RHPN1: variants seen among roughly 807,000 people sequenced by gnomAD.
The protein encoded by RHPN1 is rhophilin-1.
RHPN1 carries 77 observed loss-of-function variants against 74.7 expected under a neutral mutation model. The ratio of observed to expected loss-of-function variants is 1.03; its 90% CI spans 0.86 to 1.25. The LOEUF (loss-of-function observed/expected upper bound fraction) is 1.25, where lower values mean the gene tolerates loss of function less well. Among genes scored for constraint, RHPN1 ranks in the 50% most tolerant of loss-of-function variants. The probability of loss-of-function intolerance (pLI) is 0.00; values close to 1 mark genes in which losing one functional copy is unlikely to be tolerated. For synonymous variants in RHPN1, 444 were observed against 414.5 expected (o/e 1.07, Z -0.87); for missense variants, 987 against 932.2 (o/e 1.06, Z -0.77).
chr8:143,365,419 G>C (rs1285777174), upstream of RHPN1, among the ~76,000 whole-genome samples: 1 of 152,186 alleles, frequency 6.6e-6, no homozygotes, highest in Non-Finnish European at 1.5e-5. Flanking sequence ...CCTCCTCCTG[G>C]CTGCCTCTCT....
Position 143,382,764 on chromosome 8 carries a change from GCTGCCTCGGGCACCTGC to G in RHPN1, c.*119_*135del. On this transcript the variant is annotated 3_prime_UTR_variant, in exon 15 of 15. Transcript: ENST00000289013. Reference sequence around the variant, plus strand: ...ATGCCTGTCCCGCCTCATGCTGGAGGCTGCCTCGGGCACCTGCCTGCCCATTAAAGACTGGTCAGACC... The same window carrying G: ...ATGCCTGTCCCGCCTCATGCTGGAGGCTGCCCATTAAAGACTGGTCAGACC... 2.2e-6 allele frequency: 2 copies of G among 894,450 alleles called. No homozygotes were observed. The highest frequency in any genetic ancestry group is 3.5e-4 in the Middle Eastern group (1 of 2,868). 55.4% of individuals were successfully genotyped at this position (894,450 alleles called of 1,614,324 possible).
At chr8:143,374,721 G>A (rs567683716) in intron 1 of RHPN1, among the ~76,000 whole-genome samples, 1 of 152,248 alleles carries the variant, frequency 6.6e-6, no homozygotes, top group Non-Finnish European at 1.5e-5. Flanking sequence ...TGAGGATCAT[G>A]TGGGCAGGAC....
rs769064696 is a variant in RHPN1, at chr8:143,381,586, G to A, written c.1503G>A (p.Val501=). ...GCCCCTGCCAGGGGCCCCTGTCTGT[G>A]TTCTCAGCCAAGAACCGGTGGCGGC... ...DIFHRLGPLS[V]FSAKNRWRLV... is the part of the protein sequence containing the mutation. The change falls in exon 13 of 15, where the codon GTG becomes GTA. Residue 501 remains valine, a synonymous_variant. Transcript: ENST00000289013. 1.1e-5 allele frequency: 17 copies of A among 1,609,030 alleles called. No homozygotes were observed. The Admixed American group carries it at 2.3e-4, about 22-fold the overall frequency.
intron 1 of RHPN1, among the ~76,000 whole-genome samples, chr8:143,369,419 C>G (rs944125171): frequency 6.6e-6 from 1 of 152,230 alleles, no homozygotes; most frequent in African/African-American, 2.4e-5. Flanking sequence ...CTAGTTCGGT[C>G]CTCCCTCTGC....
In RHPN1 at chr8:143,383,778, C is replaced by T. The variant is rs993238014; in HGVS notation, c.*1127C>T. On this transcript the variant is annotated 3_prime_UTR_variant, in exon 15 of 15. Transcript: ENST00000289013. ...CAGCCACTAGGGGGCAGCCGCCACCCGCTCAGCAGCCCTGGGAGGCGGCAC... is the reference window on the plus strand; with the variant it reads ...CAGCCACTAGGGGGCAGCCGCCACCTGCTCAGCAGCCCTGGGAGGCGGCAC... 3.9e-5 allele frequency: 6 copies of T among 152,250 alleles called. No homozygotes were observed. The highest frequency in any genetic ancestry group is 6.5e-5 in the Admixed American group (1 of 15,288). The allele number at this position is 152,250 out of a possible 1,614,324, so 9.4% of individuals were successfully genotyped here.
intron 4 of RHPN1, among the ~76,000 whole-genome samples, 157 bp downstream of exon 4, chr8:143,377,612 T>C (rs141994097): frequency 7.2e-5 from 11 of 152,212 alleles, no homozygotes; most frequent in African/African-American, 2.6e-4. Flanking sequence ...CTGGCAGAAA[T>C]GGCCACAGGG....
At chr8:143,369,296 G>C (rs1166820005) in intron 1 of RHPN1, among the ~76,000 whole-genome samples, 1 of 152,202 alleles carries the variant, frequency 6.6e-6, no homozygotes, top group Non-Finnish European at 1.5e-5. Context: ...AAGCGGGTTG[G>C]GGGGACGCCC....
At chr8:143,370,672 C>T (rs1190230711) in intron 1 of RHPN1, among the ~76,000 whole-genome samples, 3 of 152,228 alleles carry the variant, frequency 2.0e-5, no homozygotes, top group Non-Finnish European at 2.9e-5. Context: ...TTGGTGCCTC[C>T]CAAGCCCTGG....
chr8:143,380,699 A>T lies in RHPN1; in HGVS notation c.1327A>T (p.Thr443Ser). The change falls in exon 11 of 15, where the codon ACG (threonine) becomes TCG (serine). Residue 443 changes from threonine (T) to serine (S), a missense_variant. By Grantham distance (58) the Thr-to-Ser change is moderately conservative. Transcript: ENST00000289013. Reference sequence around the variant, plus strand: ...CCTGCTTCGGGCTGTGATCTCCCAGACGCTGCAGCGCTCACTGGCCAAGTA... The same window carrying T: ...CCTGCTTCGGGCTGTGATCTCCCAGTCGCTGCAGCGCTCACTGGCCAAGTA... ...VDLLRAVISQ[T>S]LQRSLAKYAE... 1.3e-6 allele frequency: 2 copies of T among 1,588,806 alleles called. No homozygotes were observed. The highest frequency in any genetic ancestry group is 1.7e-6 in the Non-Finnish European group (2 of 1,168,198).
chr8:143,378,398 C>A, intron 5 of RHPN1, 52 bp downstream of exon 5: 2 of 1,362,538 alleles, frequency 1.5e-6, no homozygotes, highest in Non-Finnish European at 1.0e-6. Context: ...GAGACACATG[C>A]GGAGGCTGAA....
chr8:143,376,806 G>A (rs1366068479), intron 3 of RHPN1, among the ~76,000 whole-genome samples, 153 bp downstream of exon 3: 1 of 149,666 alleles, frequency 6.7e-6, no homozygotes, highest in Non-Finnish European at 1.5e-5. Context: ...GCATGTCTGT[G>A]CGCGTGTGTC....
At chr8:143,382,261 C>G (rs1818792685) in intron 14 of RHPN1, among the ~76,000 whole-genome samples, 175 bp from the exon 15 acceptor site, 1 of 152,230 alleles carries the variant, frequency 6.6e-6, no homozygotes, top group Non-Finnish European at 1.5e-5. Context: ...GCATGGCTGA[C>G]CCAGGGTTGG....
Position 143,380,746 on chromosome 8 carries a change from T to A in RHPN1, c.1374T>A (p.Asp458Glu). The A allele has an allele frequency of 6.3e-7, 1 of 1,591,118 alleles. No homozygotes were observed. The highest frequency in any genetic ancestry group is 1.1e-5 in the South Asian group (1 of 87,632). The part of the protein sequence containing the change: ...LAKYAELDRE[D>E]DFCEAAEAPD... ...AGTATGCGGAGCTCGACCGTGAGGATGACTTCTGTGAGGCTGCCGAGGCCC... is the reference window on the plus strand; with the variant it reads ...AGTATGCGGAGCTCGACCGTGAGGAAGACTTCTGTGAGGCTGCCGAGGCCC... Residue 458 changes from aspartate (D) to glutamate (E), a missense_variant, in exon 11 of 15, where the codon GAT becomes GAA. Transcript: ENST00000289013.
Position 143,378,357 on chromosome 8 carries a change from C to CGGGGGGGGGGGGGGCGG in RHPN1, c.459+11_459+12insGGGGGGGGGGGGGGCGG. Reference sequence around the variant, plus strand: ...GAGGCCCTGCGGCAGGTGTGTGGTTCCCCCGCCCACCCACCCTCCTGCAGC... The same window carrying CGGGGGGGGGGGGGGCGG: ...GAGGCCCTGCGGCAGGTGTGTGGTTCGGGGGGGGGGGGGGCGGCCCCGCCCACCCACCCTCCTGCAGC... On this transcript the variant is annotated intron_variant, in intron 5 of 14. Transcript: ENST00000289013. The CGGGGGGGGGGGGGGCGG allele has an allele frequency of 3.9e-6, 6 of 1,520,936 alleles. No homozygotes were observed. Among genetic ancestry groups the CGGGGGGGGGGGGGGCGG allele is most frequent in the Non-Finnish European group, 4.4e-6 (5 of 1,127,152 alleles). The allele number at this position is 1,520,936 out of a possible 1,614,324, so 94.2% of individuals were successfully genotyped here.
chr8:143,371,741 C>CT (rs1309259069), intron 1 of RHPN1, among the ~76,000 whole-genome samples: 6 of 152,204 alleles, frequency 3.9e-5, no homozygotes, highest in Non-Finnish European at 8.8e-5. Flanking sequence ...CCTCTCTGTC[C>CT]TTTCCTAATG....
chr8:143,378,417 C>A, intron 5 of RHPN1, 71 bp downstream of exon 5: 1 of 1,158,244 alleles, frequency 8.6e-7, no homozygotes, highest in South Asian at 1.3e-5. Flanking sequence ...AAGCTGAAGT[C>A]AGGAACAGAC....
chr8:143,368,869 C>G (rs1289295111), upstream of RHPN1: 10 of 620,570 alleles, frequency 1.6e-5, no homozygotes, highest in Non-Finnish European at 2.1e-5. Context: ...CGGGGACCGG[C>G]GCGGGCACTC....
Position 143,379,113 on chromosome 8 carries a change from C to G in RHPN1, c.751+35C>G. 3 of 1,462,928 alleles carry G rather than the reference C, an allele frequency of 2.1e-6. No homozygotes were observed. The South Asian group carries it at 4.2e-5, about 20-fold the overall frequency. 90.6% of individuals were successfully genotyped at this position (1,462,928 alleles called of 1,614,324 possible). ...GCCCGGGCCGCGGTGGGGCACGGCG[C>G]GGTGCCAGGGTGTTGCAGAGCCCCT... On this transcript the variant is annotated intron_variant, in intron 7 of 14. Transcript: ENST00000289013.
In RHPN1 at chr8:143,381,645, G is replaced by A; in HGVS notation, c.1562G>A (p.Gly521Asp). The A allele has an allele frequency of 6.2e-7, 1 of 1,611,258 alleles. No individual in the cohort carries two copies. Among genetic ancestry groups the A allele is most frequent in the Non-Finnish European group, 8.5e-7 (1 of 1,179,360 alleles). ...VGPVHLTRGE[G>D]GFGLTLRGDS... ...CCCGTCCACCTGACCCGAGGAGAGG[G>A]CGGCTTTGGCCTCACGCTTCGGGGA... The change falls in exon 13 of 15, where the codon GGC becomes GAC. Residue 521 changes from glycine (G) to aspartate (D), a missense_variant. By Grantham distance (94) the Gly-to-Asp change is moderately conservative (BLOSUM62 -1). Transcript: ENST00000289013.
Sources: allele counts gnomAD v4.1 joint callset (sites outside exome capture counted in the v4.1 genomes callset), GRCh38; gene constraint gnomAD v4.1.1; transcripts MANE v1.5; gene names NCBI Gene and HGNC (gene_info 2026-07-23, HGNC 2026-07-21).